RASAL2: variants seen among roughly 807,000 people sequenced by gnomAD.
RASAL2 encodes RAS protein activator like 2.
In RASAL2, 58 loss-of-function variants were observed where a neutral mutation model predicts 128.9. That is an observed-to-expected ratio of 0.45 (90% confidence interval 0.36 to 0.56). RASAL2 has a LOEUF of 0.56. Ranked by LOEUF, RASAL2 falls within the 20% of genes least tolerant of loss-of-function variation. The pLI is 0.00. For synonymous variants in RASAL2, 561 were observed against 580.8 expected, an observed-to-expected ratio of 0.97 and a Z score of 0.49; for missense variants, 1,360 against 1,601.6, an observed-to-expected ratio of 0.85 and a Z score of 2.57.
intron 4 of RASAL2, among the ~76,000 whole-genome samples, chr1:178,405,922 A>T (rs1316272528): frequency 6.6e-6 from 1 of 152,192 alleles, no homozygotes; most frequent in Non-Finnish European, 1.5e-5. Context: ...GAAGCTGGGC[A>T]AAGGAAAACT....
At chr1:178,121,386 A>G (rs1474185145) in intron 1 of RASAL2, among the ~76,000 whole-genome samples, 1 of 152,194 alleles carries the variant, frequency 6.6e-6, no homozygotes, top group Non-Finnish European at 1.5e-5. Context: ...CTGAGGCTAA[A>G]ATAGGTTGTG....
chr1:178,417,944 A>G (rs147208678), intron 4 of RASAL2, among the ~76,000 whole-genome samples: 2 of 152,070 alleles, frequency 1.3e-5, no homozygotes, highest in African/African-American at 2.4e-5. Flanking sequence ...TCCTATTACA[A>G]TTCTATAAAC....
chr1:178,442,663 G>A lies in RASAL2; in HGVS notation c.928-12G>A. The A allele has an allele frequency of 1.3e-6, 2 of 1,554,362 alleles. No homozygotes were observed. Among genetic ancestry groups the A allele is most frequent in the Non-Finnish European group, 8.6e-7 (1 of 1,157,086 alleles). On this transcript the variant is annotated splice_polypyrimidine_tract_variant and intron_variant, in intron 7 of 17. Coordinates refer to ENST00000367649, the MANE Select transcript of RASAL2 (RefSeq NM_170692.4). ...GTCAGCTCTGAAATTCAGCTTTGTT[G>A]CCTCTTTATAGGACAATTGCAGGCG...
chr1:178,314,818 T>C (rs1424385369), intron 3 of RASAL2, among the ~76,000 whole-genome samples: 3 of 152,014 alleles, frequency 2.0e-5, no homozygotes, highest in African/African-American at 7.2e-5. Flanking sequence ...CTTTAAGTTT[T>C]AGGGTACATG....
chr1:178,302,099 C>G (rs1667792646), intron 3 of RASAL2, among the ~76,000 whole-genome samples: 1 of 152,132 alleles, frequency 6.6e-6, no homozygotes, highest in African/African-American at 2.4e-5. Context: ...CCTTACATGC[C>G]AGTCTAATCT....
chr1:178,338,198 C>T lies in RASAL2; in HGVS notation c.457+38080C>T, dbSNP rs577321921. Among the ~76,000 whole-genome samples, 6 of 151,974 alleles carry T rather than the reference C, an allele frequency of 3.9e-5. No homozygotes were observed. In the South Asian group the frequency reaches 8.3e-4, roughly 21 times the overall value. On this transcript the variant is annotated intron_variant, in intron 3 of 17. Transcript: ENST00000367649. ...AGGCTGGAGTGCAGTGGCATGATCT[C>T]GGCTCACTGCAACATTTGCCTCCTG...
chr1:178,393,488 A>G (rs1181421326), intron 4 of RASAL2, among the ~76,000 whole-genome samples: 2 of 152,166 alleles, frequency 1.3e-5, no homozygotes, highest in African/African-American at 4.8e-5. Context: ...CAGGAGGCAG[A>G]GCTCAGGCTG....
intron 1 of RASAL2, 56 bp from the exon 2 acceptor site, chr1:178,283,508 G>T: frequency 1.3e-6 from 2 of 1,573,860 alleles, no homozygotes; most frequent in Non-Finnish European, 1.7e-6. Context: ...TTGAAATACT[G>T]GTTTACTAAG....
At chr1:178,395,878 T>C (rs1268968122) in intron 4 of RASAL2, among the ~76,000 whole-genome samples, 1 of 151,232 alleles carries the variant, frequency 6.6e-6, no homozygotes, top group Non-Finnish European at 1.5e-5. Context: ...AGAAATCATA[T>C]AGCAATCATG....
chr1:178,328,672 C>T (rs1442489660), intron 3 of RASAL2, among the ~76,000 whole-genome samples: 1 of 152,156 alleles, frequency 6.6e-6, no homozygotes, highest in African/African-American at 2.4e-5. Context: ...TATATTATCT[C>T]ATTTATTCCT....
chr1:178,462,187 A>AT (rs1678249938), intron 14 of RASAL2, among the ~76,000 whole-genome samples: 1 of 152,162 alleles, frequency 6.6e-6, no homozygotes, highest in Non-Finnish European at 1.5e-5. Flanking sequence ...AACTAGAGAT[A>AT]TTTTTTGCTA....
chr1:178,213,924 A>G (rs559321720), intron 1 of RASAL2, among the ~76,000 whole-genome samples: 1 of 152,032 alleles, frequency 6.6e-6, no homozygotes, highest in South Asian at 2.1e-4. Context: ...CAAACCCTGA[A>G]AAGAATATAT....
chr1:178,237,119 A>C (rs1664287442), intron 1 of RASAL2, among the ~76,000 whole-genome samples: 1 of 151,964 alleles, frequency 6.6e-6, no homozygotes, highest in African/African-American at 2.4e-5. Context: ...TAATCCTGCG[A>C]GGGAGTGTTA....
intron 13 of RASAL2, 47 bp from the exon 14 acceptor site, chr1:178,457,636 G>T (rs766632019): frequency 6.3e-7 from 1 of 1,579,706 alleles, no homozygotes; most frequent in South Asian, 1.2e-5. Context: ...TCTTAGCCAT[G>T]TTGAAGTTGT....
chr1:178,469,284 G>A (rs1648041695), intron 17 of RASAL2, among the ~76,000 whole-genome samples: 1 of 152,122 alleles, frequency 6.6e-6, no homozygotes, highest in Non-Finnish European at 1.5e-5. Flanking sequence ...GCGACAAAGT[G>A]AGACCCTGTC....
At chr1:178,209,163 A>G (rs1663168120) in intron 1 of RASAL2, among the ~76,000 whole-genome samples, 1 of 151,850 alleles carries the variant, frequency 6.6e-6, no homozygotes. Context: ...CACCCCACAC[A>G]TATTTTGCTG....
At chr1:178,115,569 G>A (rs902163625) in intron 1 of RASAL2, among the ~76,000 whole-genome samples, 1 of 152,192 alleles carries the variant, frequency 6.6e-6, no homozygotes, top group African/African-American at 2.4e-5. Context: ...AGCCAGCATG[G>A]CAGCTTTGAG....
intron 1 of RASAL2, among the ~76,000 whole-genome samples, chr1:178,244,044 C>T (rs986602667): frequency 1.1e-4 from 16 of 152,270 alleles, no homozygotes; most frequent in Admixed American, 4.6e-4. Flanking sequence ...ACTTTTCCAA[C>T]GTCACTTTCA....
Position 178,445,632 on chromosome 1 carries a change from G to A in RASAL2, c.1597G>A (p.Val533Met), listed in dbSNP as rs373599792. 5.0e-6 allele frequency: 8 copies of A among 1,613,488 alleles called. No homozygotes were observed. Among genetic ancestry groups the A allele is most frequent in the South Asian group, 1.1e-5 (1 of 90,972 alleles). The part of the protein sequence containing the change: ...TKSIEEYLKL[V>M]GQQYLHDALG... Reference sequence around the variant, plus strand: ...ATCCATTGAGGAATACCTCAAGTTGGTGGGACAACAGTATCTTCATGACGC... The same window carrying A: ...ATCCATTGAGGAATACCTCAAGTTGATGGGACAACAGTATCTTCATGACGC... Residue 533 changes from valine to methionine, a missense_variant, in exon 9 of 18, where the codon GTG becomes ATG. This residue lies in a region of RASAL2 where 617 missense variants were observed against 714.2 expected (regional missense o/e 0.86). Transcript: ENST00000367649.
Sources: gnomAD v4.1 joint callset for allele counts (sites outside exome capture counted in the v4.1 genomes callset) on GRCh38, gnomAD v4.1.1 for gene constraint, gnomAD v4.1.1 regional missense constraint, MANE v1.5 for transcripts, NCBI Gene and HGNC (gene_info 2026-07-23, HGNC 2026-07-21) for gene names.